ZBTB40: variants seen among roughly 807,000 people sequenced by gnomAD.
ZBTB40 encodes zinc finger and BTB domain-containing protein 40.
In ZBTB40, 60 loss-of-function variants were observed where a neutral mutation model predicts 117.5. The ratio of observed to expected loss-of-function variants is 0.51; its 90% CI spans 0.41 to 0.63. The LOEUF is 0.63. Ranked by LOEUF, ZBTB40 falls within the 30% of genes least tolerant of loss-of-function variation. ZBTB40 has a pLI of 0.00. For synonymous variants in ZBTB40, 525 were observed against 577.1 expected (o/e 0.91, Z 1.29); for missense variants, 1,287 against 1,498.5 (o/e 0.86, Z 2.33).
intron 1 of ZBTB40, among the ~76,000 whole-genome samples, chr1:22,474,197 C>T (rs562654769): frequency 1.3e-5 from 2 of 152,234 alleles, no homozygotes; most frequent in African/African-American, 2.4e-5. Flanking sequence ...ACAGGCCATT[C>T]GAGTATCGCT....
intron 3 of ZBTB40, among the ~76,000 whole-genome samples, chr1:22,495,077 G>A (rs756603420): frequency 1.3e-5 from 2 of 152,168 alleles, no homozygotes; most frequent in Non-Finnish European, 2.9e-5. Context: ...ACAGCTTAAC[G>A]TTAAAAATAG....
chr1:22,478,071 T>C (rs544042317), intron 1 of ZBTB40, among the ~76,000 whole-genome samples: 14 of 152,316 alleles, frequency 9.2e-5, no homozygotes, highest in African/African-American at 3.1e-4. Context: ...CACCCTAACT[T>C]TAGTTTCTCT....
intron 1 of ZBTB40, among the ~76,000 whole-genome samples, chr1:22,437,473 T>G (rs1569736952): frequency 6.7e-6 from 1 of 150,154 alleles, no homozygotes; most frequent in African/African-American, 2.5e-5. Context: ...CAGGCTGGAG[T>G]GCAGTGGCAC....
At chr1:22,463,067 C>T (rs1272220572) in intron 1 of ZBTB40, among the ~76,000 whole-genome samples, 1 of 152,160 alleles carries the variant, frequency 6.6e-6, no homozygotes. Flanking sequence ...CGTAGTAGCT[C>T]ATTCATACAA....
At chr1:22,485,211 A>G (rs533101567) in intron 1 of ZBTB40, among the ~76,000 whole-genome samples, 6 of 152,276 alleles carry the variant, frequency 3.9e-5, no homozygotes, top group South Asian at 2.1e-4. Context: ...AAGAGTTTGT[A>G]GAGAATTGGT....
intron 3 of ZBTB40, among the ~76,000 whole-genome samples, chr1:22,494,373 C>T (rs188515704): frequency 8.1e-4 from 123 of 152,320 alleles, no homozygotes; most frequent in African/African-American, 2.8e-3. Context: ...TCCTGTACTG[C>T]AGGGGTAGTG....
chr1:22,460,361 A>G (rs1474205687), intron 1 of ZBTB40, among the ~76,000 whole-genome samples: 1 of 152,194 alleles, frequency 6.6e-6, no homozygotes, highest in Non-Finnish European at 1.5e-5. Flanking sequence ...AACTTTTTTA[A>G]AAGTTCTGGT....
At chr1:22,431,378 G>A (rs1557468700) in intron 1 of ZBTB40, among the ~76,000 whole-genome samples, 1 of 17,324 alleles carries the variant, frequency 5.8e-5, no homozygotes, top group African/African-American at 1.1e-4. Flanking sequence ...GTGTGTGTGT[G>A]TGTGTGTATA....
intron 9 of ZBTB40, among the ~76,000 whole-genome samples, chr1:22,510,866 A>G (rs1157093100): frequency 6.6e-6 from 1 of 152,190 alleles, no homozygotes; most frequent in African/African-American, 2.4e-5. Context: ...AGATCCAGAA[A>G]AGGTCTTTGG....
At chr1:22,464,331 C>G (rs562395859) in intron 1 of ZBTB40, among the ~76,000 whole-genome samples, 3 of 152,326 alleles carry the variant, frequency 2.0e-5, no homozygotes, top group East Asian at 1.9e-4. Flanking sequence ...CCCTCTCCCC[C>G]AGAAAGGGTG....
rs367722657 is a variant in ZBTB40, at chr1:22,468,719, G to C, written c.-70+16715G>C. 7.5e-5 allele frequency among the ~76,000 whole-genome samples: 10 copies of C among 133,450 alleles called. No individual in the cohort carries two copies. In the East Asian group the frequency reaches 2.1e-3, roughly 28 times the overall value. The allele number at this position is 133,450 out of a possible 152,430, so 87.5% of individuals were successfully genotyped here. On this transcript the variant is annotated intron_variant, in intron 1 of 17. Transcript: ENST00000375647. ...TCACTCTGTTGCTTAAGCTGATCTC[G>C]AACTCCTGGGCTCAAGTAATCCTCC... is the stretch of plus-strand genomic sequence containing the variant.
At chr1:22,451,441 C>A (rs1002803608), upstream of ZBTB40, among the ~76,000 whole-genome samples, 16 of 151,980 alleles carry the variant, frequency 1.1e-4, no homozygotes, top group African/African-American at 3.6e-4. Context: ...TCGGGACCAG[C>A]CTGGCCAACA....
intron 2 of ZBTB40, 24 bp downstream of exon 2, chr1:22,490,669 C>T (rs762782601): frequency 1.2e-6 from 2 of 1,606,464 alleles, no homozygotes; most frequent in Non-Finnish European, 1.7e-6. Flanking sequence ...TTTTATATTC[C>T]ATCCTTCTGT....
chr1:22,429,139 T>C (rs1026644487), intron 1 of ZBTB40, among the ~76,000 whole-genome samples: 3 of 152,128 alleles, frequency 2.0e-5, no homozygotes, highest in Admixed American at 6.5e-5. Context: ...TCCCAGCACT[T>C]TGGGGGGCCG....
At chr1:22,487,211 T>C (rs1363014850) in intron 1 of ZBTB40, among the ~76,000 whole-genome samples, 1 of 152,202 alleles carries the variant, frequency 6.6e-6, no homozygotes, top group East Asian at 1.9e-4. Flanking sequence ...GCTCCTGACA[T>C]ACCAGAATGG....
chr1:22,429,939 G>A (rs913851209), intron 1 of ZBTB40, among the ~76,000 whole-genome samples: 1 of 152,210 alleles, frequency 6.6e-6, no homozygotes, highest in African/African-American at 2.4e-5. Flanking sequence ...GAGGGTTGCG[G>A]TGAGCTGAGA....
chr1:22,488,896 C>G (rs1231503571), intron 1 of ZBTB40, among the ~76,000 whole-genome samples: 1 of 151,874 alleles, frequency 6.6e-6, no homozygotes, highest in East Asian at 1.9e-4. Context: ...TTTGGACTGA[C>G]TAGAGAGGAG....
chr1:22,506,114 G>A lies in ZBTB40; in HGVS notation c.1233G>A (p.Met411Ile), dbSNP rs757565459. 5.0e-6 allele frequency: 8 copies of A among 1,614,176 alleles called. No homozygotes were observed. In the South Asian group the frequency reaches 8.8e-5, roughly 18 times the overall value. Residue 411 changes from methionine (M) to isoleucine (I), a missense_variant, in exon 6 of 18, where the codon ATG becomes ATA. Coordinates refer to ENST00000375647, the MANE Select transcript of ZBTB40 (RefSeq NM_014870.4). The part of the protein sequence containing the change: ...KETIENLLHR[M>I]TEEKTLTAEG... ...CAATAGAAAATTTGTTGCACAGAATGACTGAAGAGAAGACGCTGACTGCTG... is the reference window on the plus strand; with the variant it reads ...CAATAGAAAATTTGTTGCACAGAATAACTGAAGAGAAGACGCTGACTGCTG...
intron 1 of ZBTB40, among the ~76,000 whole-genome samples, chr1:22,465,270 T>C (rs1253888023): frequency 6.6e-6 from 1 of 152,128 alleles, no homozygotes; most frequent in African/African-American, 2.4e-5. Flanking sequence ...AACTCCTCTC[T>C]GCGGGCAGGT....
Sources: allele counts gnomAD v4.1 joint callset (sites outside exome capture counted in the v4.1 genomes callset), GRCh38; gene constraint gnomAD v4.1.1; transcripts MANE v1.5; gene names NCBI Gene and HGNC (gene_info 2026-07-23, HGNC 2026-07-21).